MYO1E: variants seen among roughly 807,000 people sequenced by gnomAD.
MYO1E encodes the protein unconventional myosin-Ie.
Under a neutral mutation model 151.1 loss-of-function variants are expected in MYO1E, and 68 were observed. That is an observed-to-expected ratio of 0.45 (90% CI 0.37 to 0.55). The LOEUF is 0.55. MYO1E is among the 20% of genes least tolerant of loss of function. The probability of loss-of-function intolerance (pLI) is 0.00; values close to 1 mark genes in which losing one functional copy is unlikely to be tolerated. For synonymous variants in MYO1E, 601 were observed against 501.7 expected (o/e 1.20, Z -2.64); for missense variants, 1,363 against 1,389.3 (o/e 0.98, Z 0.30).
chr15:59,223,568 G>A (rs12438740), intron 8 of MYO1E, among the ~76,000 whole-genome samples: 59,305 of 152,024 alleles, frequency 0.39, 12,230 homozygotes, highest in East Asian at 0.7. Flanking sequence ...TCCAAGTCCT[G>A]TCTTCATCCT....
In MYO1E at chr15:59,285,261, T is replaced by C. The variant is rs149676978; in HGVS notation, c.4-12812A>G. 4.7e-3 allele frequency among the ~76,000 whole-genome samples: 717 copies of C among 152,042 alleles called. 5 individuals carry two copies. The highest frequency in any genetic ancestry group is 0.016 in the African/African-American group (655 of 41,486). Reference sequence around the variant, plus strand: ...CAATCTTGCAAGGTGTGGCGGTTCATGTCCTTCATCTCAGTGGAGGCTGAG... The same window carrying C: ...CAATCTTGCAAGGTGTGGCGGTTCACGTCCTTCATCTCAGTGGAGGCTGAG... On this transcript the variant is annotated intron_variant, in intron 1 of 27. Transcript: ENST00000288235.
chr15:59,360,505 G>A (rs1219035435), intron 1 of MYO1E, among the ~76,000 whole-genome samples: 12 of 152,166 alleles, frequency 7.9e-5, no homozygotes, highest in African/African-American at 1.4e-4. Context: ...GCAGGCCATC[G>A]AGCCCAGCAT....
intron 1 of MYO1E, among the ~76,000 whole-genome samples, chr15:59,288,509 T>A (rs1235529649): frequency 6.6e-6 from 1 of 152,182 alleles, no homozygotes; most frequent in African/African-American, 2.4e-5. Context: ...TTAAAAGAGA[T>A]AACGCACAGA....
chr15:59,296,496 A>G, intron 1 of MYO1E, among the ~76,000 whole-genome samples: 1 of 152,234 alleles, frequency 6.6e-6, no homozygotes, highest in Non-Finnish European at 1.5e-5. Flanking sequence ...AACACAGGCC[A>G]GCATGAAGGC....
At chr15:59,311,314 G>A (rs149888240) in intron 1 of MYO1E, among the ~76,000 whole-genome samples, 274 of 152,124 alleles carry the variant, frequency 1.8e-3, no homozygotes, top group African/African-American at 6.0e-3. Flanking sequence ...TAAGGAACAC[G>A]TCACCTAGGT....
At chr15:59,225,699 T>C (rs1596374362) in intron 7 of MYO1E, among the ~76,000 whole-genome samples, 2 of 150,058 alleles carry the variant, frequency 1.3e-5, no homozygotes, top group Admixed American at 1.4e-4. Context: ...CAGGCTGGAG[T>C]GCACTGGTGC....
At chr15:59,180,110 G>A (rs2079649440) in intron 18 of MYO1E, among the ~76,000 whole-genome samples, 1 of 152,056 alleles carries the variant, frequency 6.6e-6, no homozygotes, top group African/African-American at 2.4e-5. Flanking sequence ...CATCTTGCCT[G>A]ATAATATCAT....
At chr15:59,225,247 T>C (rs2079982391) in intron 7 of MYO1E, among the ~76,000 whole-genome samples, 1 of 152,240 alleles carries the variant, frequency 6.6e-6, no homozygotes, top group Admixed American at 6.5e-5. Flanking sequence ...TTTCCTTGAC[T>C]GTGAACTTCT....
intron 4 of MYO1E, among the ~76,000 whole-genome samples, chr15:59,249,268 A>G (rs929565361): frequency 2.6e-5 from 4 of 151,754 alleles, no homozygotes; most frequent in Non-Finnish European, 5.9e-5. Context: ...CTAAAAATAC[A>G]AAAAAAATTA....
chr15:59,231,744 G>A lies in MYO1E; in HGVS notation c.468C>T (p.Phe156=), dbSNP rs768004097. 19 of 1,614,156 alleles carry A rather than the reference G, an allele frequency of 1.2e-5. No homozygotes were observed. Among genetic ancestry groups the A allele is most frequent in the South Asian group, 6.6e-5 (6 of 91,082 alleles). ...TGTTCCGGACGGTCTTGGCGTTCCC[G>A]AAGGCCTCCAGCAGCGGGTTGGACT... ...ILQSNPLLEA[F]GNAKTVRNNN... Residue 156 remains phenylalanine, a synonymous_variant, in exon 6 of 28, where the codon TTC becomes TTT. Transcript: ENST00000288235.
chr15:59,188,055 A>C, intron 18 of MYO1E, 63 bp downstream of exon 18: 1 of 1,251,094 alleles, frequency 8.0e-7, no homozygotes, highest in Non-Finnish European at 1.2e-6. Flanking sequence ...GGTGAATTGT[A>C]TAGATTTGAA....
rs543343748 is a variant in MYO1E at position 59,267,187 on chromosome 15, G to A, written c.147+5119C>T. Among the ~76,000 whole-genome samples, 62 of 131,572 alleles carry A rather than the reference G, an allele frequency of 4.7e-4. 1 individual carries two copies. Among genetic ancestry groups the A allele is most frequent in the African/African-American group, 1.6e-3 (56 of 34,734 alleles). The allele number at this position is 131,572 out of a possible 152,430, so 86.3% of individuals were successfully genotyped here. A position where few individuals can be genotyped will look rare whatever the true frequency, so the allele number is the denominator to read the frequency against. ...ACTACAGGCATGCGCCACTACGCCC[G>A]GCTAATTTTTGTATTTATAGTAGAG... On this transcript the variant is annotated intron_variant, in intron 2 of 27. Transcript: ENST00000288235.
At position 59,335,891 on chromosome 15, in the gene MYO1E, C is replaced by A. The variant is rs149308344; in HGVS notation, c.3+36607G>T. 4.3e-4 allele frequency among the ~76,000 whole-genome samples: 66 copies of A among 152,170 alleles called. No individual in the cohort carries two copies. In the East Asian group the frequency reaches 0.012, roughly 28 times the overall value. Reference sequence around the variant, plus strand: ...TGAGTGTCACGGACTATAAGCGGTGCTGTCTGCACACACTTGTTCTGATGC... The same window carrying A: ...TGAGTGTCACGGACTATAAGCGGTGATGTCTGCACACACTTGTTCTGATGC... On this transcript the variant is annotated intron_variant, in intron 1 of 27. Transcript: ENST00000288235.
intron 15 of MYO1E, among the ~76,000 whole-genome samples, chr15:59,204,999 G>A (rs1433586623): frequency 6.6e-6 from 1 of 152,138 alleles, no homozygotes; most frequent in Non-Finnish European, 1.5e-5. Context: ...TGGAATTTGG[G>A]GGCATGAAGT....
intron 2 of MYO1E, among the ~76,000 whole-genome samples, chr15:59,262,491 G>A (rs1452396214): frequency 1.3e-5 from 2 of 152,074 alleles, no homozygotes; most frequent in African/African-American, 4.8e-5. Flanking sequence ...AGCCAGGCAT[G>A]GGGGCGTGTG....
intron 18 of MYO1E, among the ~76,000 whole-genome samples, chr15:59,181,129 C>T (rs2140321495): frequency 6.6e-6 from 1 of 152,246 alleles, no homozygotes; most frequent in South Asian, 2.1e-4. Context: ...CGCTCTCCAC[C>T]ACTCCGTGCT....
chr15:59,210,844 A>G (rs2079874437), intron 12 of MYO1E, among the ~76,000 whole-genome samples: 1 of 152,212 alleles, frequency 6.6e-6, no homozygotes, highest in Non-Finnish European at 1.5e-5. Context: ...CTGGCCAAAG[A>G]AAACTACAAT....
intron 14 of MYO1E, chr15:59,206,873 T>A: frequency 6.6e-7 from 1 of 1,505,046 alleles, no homozygotes. Flanking sequence ...AACGGCTCTC[T>A]TGGCGTCTCA....
intron 22 of MYO1E, among the ~76,000 whole-genome samples, chr15:59,169,264 C>T (rs2079578485): frequency 2.0e-5 from 3 of 152,244 alleles, no homozygotes; most frequent in African/African-American, 2.4e-5. Flanking sequence ...CTTAAAAACA[C>T]ATACAGATGT....
Sources: allele counts gnomAD v4.1 joint callset (sites outside exome capture counted in the v4.1 genomes callset), GRCh38; gene constraint gnomAD v4.1.1; transcripts MANE v1.5; gene names NCBI Gene and HGNC (gene_info 2026-07-23, HGNC 2026-07-21).